The following TENM2 variants were observed in gnomAD, a reference collection of about 807,000 sequenced individuals.
The protein encoded by TENM2 is teneurin transmembrane protein 2.
Under a neutral mutation model 245.2 loss-of-function variants are expected in TENM2, and 52 were observed. The ratio of observed to expected loss-of-function variants is 0.21; its 90% CI spans 0.17 to 0.27. The LOEUF is 0.27. TENM2 is among the 10% of genes least tolerant of loss of function. The probability of loss-of-function intolerance (pLI) is 1.00; values close to 1 mark genes in which losing one functional copy is unlikely to be tolerated. For synonymous variants in TENM2, 1,363 were observed against 1,438.9 expected, an observed-to-expected ratio of 0.95 and a Z score of 1.19; for missense variants, 3,046 against 3,666.8, an observed-to-expected ratio of 0.83 and a Z score of 4.37.
the TENM2 span, among the ~76,000 whole-genome samples, chr5:167,268,923 TAGATAGAC>T: frequency 1.5e-3 from 216 of 147,940 alleles, 1 homozygote; most frequent in Middle Eastern, 3.5e-3. Context: ...GATAGATAGA[TAGATAGAC>T]AGACATTTTT....
At chr5:167,601,493 G>A (rs1776632254) in intron 2 of TENM2, among the ~76,000 whole-genome samples, 1 of 152,230 alleles carries the variant, frequency 6.6e-6, no homozygotes, top group Non-Finnish European at 1.5e-5. Flanking sequence ...CATAAAAACA[G>A]GACAGAGTAT....
intron 23 of TENM2, among the ~76,000 whole-genome samples, chr5:168,221,680 C>T (rs1261167891): frequency 6.6e-6 from 1 of 152,182 alleles, no homozygotes; most frequent in Non-Finnish European, 1.5e-5. Context: ...TCCAGGACAT[C>T]CAACCGTGGA....
chr5:167,630,187 G>T (rs1317007733), intron 2 of TENM2, among the ~76,000 whole-genome samples: 4 of 150,472 alleles, frequency 2.7e-5, no homozygotes, highest in Non-Finnish European at 5.9e-5. Context: ...TTACTTAGAA[G>T]AAACACTTTA....
intron 6 of TENM2, among the ~76,000 whole-genome samples, chr5:168,048,887 T>C (rs1788845618): frequency 6.6e-6 from 1 of 152,226 alleles, no homozygotes; most frequent in South Asian, 2.1e-4. Flanking sequence ...GATGAAATTA[T>C]ATGCTTTCCA....
At chr5:167,608,164 A>C (rs530473159) in intron 2 of TENM2, among the ~76,000 whole-genome samples, 1 of 152,200 alleles carries the variant, frequency 6.6e-6, no homozygotes, top group African/African-American at 2.4e-5. Context: ...CTTATAATGC[A>C]TAATATGAAA....
the TENM2 span, among the ~76,000 whole-genome samples, chr5:167,140,849 C>G: frequency 6.6e-6 from 1 of 152,106 alleles, no homozygotes; most frequent in African/African-American, 2.4e-5. Context: ...TTATTATCAA[C>G]TAGGCTTAAT....
At chr5:167,411,195 CTG>C (rs1435519423) in intron 2 of TENM2, among the ~76,000 whole-genome samples, 1 of 151,998 alleles carries the variant, frequency 6.6e-6, no homozygotes, top group Non-Finnish European at 1.5e-5. Flanking sequence ...GGATAGGAAA[CTG>C]TGATGAGGTA....
At chr5:167,552,930 T>TGAAA (rs1773049890) in intron 2 of TENM2, among the ~76,000 whole-genome samples, 3 of 151,960 alleles carry the variant, frequency 2.0e-5, no homozygotes, top group Middle Eastern at 3.4e-3. Flanking sequence ...AATGAATGAA[T>TGAAA]GAATGAATGA....
intron 2 of TENM2, 111 bp from the exon 5 acceptor site, chr5:167,875,875 C>CTT (rs11290475): frequency 1.7e-4 from 99 of 585,316 alleles, no homozygotes; most frequent in Middle Eastern, 4.7e-4. Flanking sequence ...CAGTTCATTT[C>CTT]TTTTTTTTTT....
intron 1 of TENM2, among the ~76,000 whole-genome samples, chr5:167,329,641 G>A (rs901910038): frequency 6.6e-6 from 1 of 150,800 alleles, no homozygotes; most frequent in Admixed American, 6.6e-5. Flanking sequence ...GCAGCAAGGA[G>A]CTTGAGTGGG....
chr5:168,118,380 C>T (rs759326198), exon 10 of TENM2: 6 of 1,611,676 alleles, frequency 3.7e-6, no homozygotes, highest in Admixed American at 1.7e-5. Context: ...CAGAGTGCGA[C>T]GTGCCCATGA....
At chr5:167,576,627 CTAAAACCCTTTAACATGCAAA>C (rs1481572736) in intron 2 of TENM2, among the ~76,000 whole-genome samples, 1 of 152,100 alleles carries the variant, frequency 6.6e-6, no homozygotes, top group African/African-American at 2.4e-5. Flanking sequence ...TCCCTGAATG[CTAAAACCCTTTAACATGCAAA>C]TATGATGTCA....
chr5:167,730,928 T>G (rs993311527), intron 2 of TENM2, among the ~76,000 whole-genome samples: 3 of 152,178 alleles, frequency 2.0e-5, no homozygotes, highest in Non-Finnish European at 4.4e-5. Context: ...AACATAATAC[T>G]TCTCACAGTG....
chr5:167,170,841 G>A, the TENM2 span, among the ~76,000 whole-genome samples: 1 of 152,086 alleles, frequency 6.6e-6, no homozygotes, highest in African/African-American at 2.4e-5. Context: ...TCTACCCCAG[G>A]ATTTGACACA....
In TENM2 at chr5:167,452,950, T is replaced by TATATTTTTTTTTTAA. The variant is rs1561968205; in HGVS notation, c.502+77481_502+77482insTTTTTTTTTAAATAT. Among the ~76,000 whole-genome samples the TATATTTTTTTTTTAA allele has an allele frequency of 4.0e-5, 4 of 99,630 alleles. 1 individual carries two copies. Among genetic ancestry groups the TATATTTTTTTTTTAA allele is most frequent in the African/African-American group, 1.4e-4 (4 of 29,432 alleles). 65.4% of individuals were successfully genotyped at this position (99,630 alleles called of 152,430 possible). A position where few individuals can be genotyped will look rare whatever the true frequency, so the allele number is the denominator to read the frequency against. ...TATGATTTATATATATATATATATA[T>TATATTTTTTTTTTAA]ATATATATATATTTAAAAAAAAAAA... On this transcript the variant is annotated intron_variant, in intron 2 of 28. Transcript: ENST00000518659.
At position 167,599,540 on chromosome 5, in the gene TENM2, T is replaced by C. The variant is rs4869060; in HGVS notation, c.502+224067T>C. 9.1e-3 allele frequency among the ~76,000 whole-genome samples: 1,393 copies of C among 152,264 alleles called. 41 individuals are homozygous for C. Among genetic ancestry groups the C allele is most frequent in the East Asian group, 0.08 (413 of 5,152 alleles). On this transcript the variant is annotated intron_variant, in intron 2 of 28. Transcript: ENST00000518659. ...GGAAAATACTGCCAGCAAAAATAGT[T>C]TGGCGGTCCCCGTGGCAAAACTTAG...
At chr5:167,076,167 G>A in the TENM2 span, among the ~76,000 whole-genome samples, 1 of 152,136 alleles carries the variant, frequency 6.6e-6, no homozygotes, top group African/African-American at 2.4e-5. Flanking sequence ...TGTGTATAGA[G>A]TGGTTTTTAT....
At chr5:168,181,268 A>AT (rs541985458) in intron 13 of TENM2, among the ~76,000 whole-genome samples, 85 of 152,350 alleles carry the variant, frequency 5.6e-4, no homozygotes, top group Non-Finnish European at 9.7e-4. Context: ...GTGAAGAACC[A>AT]TTTTTTAAAA....
At position 167,445,371 on chromosome 5, in the gene TENM2, T is replaced by TGAGAGTGAGA. The variant is rs370726285; in HGVS notation, c.502+69899_502+69900insAGAGTGAGAG. On this transcript the variant is annotated intron_variant, in intron 2 of 28. Coordinates refer to ENST00000518659, the Ensembl canonical transcript of TENM2. Reference sequence around the variant, plus strand: ...GAGAGAGAGAGAGAGAGAGAGAGAGTGTCAGGTGTTGTCTTGTTGTTGGGC... The same window carrying TGAGAGTGAGA: ...GAGAGAGAGAGAGAGAGAGAGAGAGTGAGAGTGAGAGTCAGGTGTTGTCTTGTTGTTGGGC... Among the ~76,000 whole-genome samples the TGAGAGTGAGA allele has an allele frequency of 1.4e-3, 116 of 81,628 alleles. 2 individuals carry two copies. Among genetic ancestry groups the TGAGAGTGAGA allele is most frequent in the African/African-American group, 6.7e-3 (107 of 15,910 alleles). 53.6% of individuals were successfully genotyped at this position (81,628 alleles called of 152,430 possible).
Sources: allele counts gnomAD v4.1 joint callset (sites outside exome capture counted in the v4.1 genomes callset), GRCh38; gene constraint gnomAD v4.1.1; transcripts MANE v1.5; gene names NCBI Gene and HGNC (gene_info 2026-07-23, HGNC 2026-07-21).